The following SPAG6 variants were observed in gnomAD, a reference collection of about 807,000 sequenced individuals.
SPAG6 encodes sperm associated antigen 6.
A neutral mutation model predicts 58.5 loss-of-function variants in SPAG6; 49 were observed. That is an observed-to-expected ratio of 0.84 (90% confidence interval 0.67 to 1.06). The LOEUF is 1.06. SPAG6 is among the 50% of genes least tolerant of loss of function. The pLI is 0.00. For synonymous variants in SPAG6, 233 were observed against 225.6 expected, an observed-to-expected ratio of 1.03 and a Z score of -0.29; for missense variants, 560 against 611.3, an observed-to-expected ratio of 0.92 and a Z score of 0.89.
At chr10:22,349,112 G>A (rs1183658623) in intron 2 of SPAG6, among the ~76,000 whole-genome samples, 1 of 152,120 alleles carries the variant, frequency 6.6e-6, no homozygotes, top group African/African-American at 2.4e-5. Flanking sequence ...GCCTCCCAAA[G>A]TGCTGGGATT....
chr10:22,352,093 G>A (rs573983921), intron 2 of SPAG6, among the ~76,000 whole-genome samples: 32 of 152,064 alleles, frequency 2.1e-4, no homozygotes, highest in Admixed American at 4.6e-4. Context: ...TTTCGGAGGC[G>A]GAGCTTGCAG....
rs1308565586 is a variant in SPAG6 at position 22,391,783 on chromosome 10, G to T, written c.1060G>T (p.Ala354Ser). Residue 354 changes from alanine (A) to serine (S), a missense_variant, in exon 8 of 11, where the codon GCT becomes TCT. Transcript: ENST00000376624. ...LSEEPEDHIK[A>S]AAAWALGQIG... is the part of the protein sequence containing the mutation. Reference sequence around the variant, plus strand: ...AGAAGAACCGGAAGATCATATTAAGGCTGCAGCTGCTTGGGCCTTAGGACA... The same window carrying T: ...AGAAGAACCGGAAGATCATATTAAGTCTGCAGCTGCTTGGGCCTTAGGACA... 6.2e-7 allele frequency: 1 copy of T among 1,613,490 alleles called. No homozygotes were observed. Among genetic ancestry groups the T allele is most frequent in the South Asian group, 1.1e-5 (1 of 91,074 alleles).
Position 22,411,048 on chromosome 10 carries a change from C to T in SPAG6, c.1332C>T (p.Ser444=). 1.2e-6 allele frequency: 2 copies of T among 1,613,868 alleles called. No individual in the cohort carries two copies. The highest frequency in any genetic ancestry group is 2.2e-5 in the East Asian group (1 of 44,874). The change falls in exon 10 of 11, where the codon AGC becomes AGT. Residue 444 remains serine (S), a synonymous_variant. Coordinates refer to ENST00000376624, the MANE Select transcript of SPAG6 (RefSeq NM_012443.4). ...TTTGCAAGGTGCTGCCGCATGATAG[C>T]AAAGCTCGACGACTTTTTGTAACAA... ...GQFSKVLPHD[S]KARRLFVTSG...
In SPAG6 at chr10:22,391,820, A is replaced by C. The variant is rs774102312; in HGVS notation, c.1097A>C (p.His366Pro). Residue 366 changes from histidine to proline, a missense_variant, in exon 8 of 11, where the codon CAC becomes CCC. Coordinates refer to ENST00000376624, the MANE Select transcript of SPAG6 (RefSeq NM_012443.4). ...TGGGCCTTAGGACAGATTGGAAGAC[A>C]CACTCCTGAACACGCACGGGCTGTT... ...AAWALGQIGR[H>P]TPEHARAVAV... 2 of 1,613,578 alleles carry C rather than the reference A, an allele frequency of 1.2e-6. No individual in the cohort carries two copies. Among genetic ancestry groups the C allele is most frequent in the South Asian group, 1.1e-5 (1 of 91,058 alleles).
At chr10:22,366,935 C>T (rs2132051993) in intron 3 of SPAG6, among the ~76,000 whole-genome samples, 1 of 152,120 alleles carries the variant, frequency 6.6e-6, no homozygotes, top group East Asian at 1.9e-4. Context: ...CCCTCACCTC[C>T]CAGCCTTTAA....
intron 7 of SPAG6, among the ~76,000 whole-genome samples, chr10:22,390,130 C>A (rs1834153437): frequency 2.0e-5 from 3 of 152,096 alleles, no homozygotes; most frequent in Admixed American, 6.6e-5. Context: ...TATTTTCTAC[C>A]TATTTCTTGA....
chr10:22,391,674 A>C, intron 7 of SPAG6, 55 bp from the exon 8 acceptor site: 3 of 1,487,280 alleles, frequency 2.0e-6, no homozygotes, highest in Non-Finnish European at 2.8e-6. Context: ...GACATGGAAG[A>C]CTCTTTAATC....
At chr10:22,348,471 T>C (rs1478036367) in intron 2 of SPAG6, among the ~76,000 whole-genome samples, 3 of 152,252 alleles carry the variant, frequency 2.0e-5, no homozygotes, top group Non-Finnish European at 4.4e-5. Flanking sequence ...GACTTTGACA[T>C]ACTGTCTACA....
chr10:22,409,014 C>T lies in SPAG6; in HGVS notation c.1315-2017C>T, dbSNP rs574975209. ...TTCGGCTCGCGCACCCACTGACCTG[C>T]GCCCACTGTCTGGCACTCCCTAGTG... is the stretch of plus-strand genomic sequence containing the variant. On this transcript the variant is annotated intron_variant, in intron 9 of 10. Coordinates refer to ENST00000376624, the MANE Select transcript of SPAG6 (RefSeq NM_012443.4). Among the ~76,000 whole-genome samples the T allele has an allele frequency of 7.4e-3, 1,128 of 152,270 alleles. 10 individuals carry two copies. Among genetic ancestry groups the T allele is most frequent in the African/African-American group, 0.026 (1,063 of 41,540 alleles).
chr10:22,412,850 T>G (rs1036047109), intron 10 of SPAG6: 1 of 163,616 alleles, frequency 6.1e-6, no homozygotes, highest in African/African-American at 2.4e-5. Flanking sequence ...GGATTACAGG[T>G]GTGAGCCACC....
At chr10:22,355,632 G>C (rs1836844693) in intron 2 of SPAG6, among the ~76,000 whole-genome samples, 1 of 152,152 alleles carries the variant, frequency 6.6e-6, no homozygotes, top group South Asian at 2.1e-4. Flanking sequence ...TAAATTACAA[G>C]ACTTTTTGTG....
intron 2 of SPAG6, among the ~76,000 whole-genome samples, chr10:22,353,839 A>G (rs888844463): frequency 1.3e-5 from 2 of 152,220 alleles, no homozygotes; most frequent in Admixed American, 1.3e-4. Context: ...GAGGTATATA[A>G]TCACACAGAT....
chr10:22,414,248 C>T (rs1470365851), intron 10 of SPAG6, among the ~76,000 whole-genome samples: 1 of 152,282 alleles, frequency 6.6e-6, no homozygotes, highest in East Asian at 1.9e-4. Flanking sequence ...AACCCCAATT[C>T]TCTGTGGGTC....
At chr10:22,360,772 A>G in intron 2 of SPAG6, 1 of 1,526,512 alleles carries the variant, frequency 6.6e-7, no homozygotes, top group South Asian at 1.2e-5. Context: ...TGTTTATCAG[A>G]TATTGTGGCA....
At chr10:22,354,259 G>A (rs775692114) in intron 2 of SPAG6, among the ~76,000 whole-genome samples, 12 of 152,288 alleles carry the variant, frequency 7.9e-5, no homozygotes, top group South Asian at 2.1e-4. Flanking sequence ...TGTTAAAGGG[G>A]TAACATCTGC....
At chr10:22,412,669 T>TCAAGCTATTCTCCTG (rs1229539222) in intron 10 of SPAG6, 1 of 498,160 alleles carries the variant, frequency 2.0e-6, no homozygotes, top group African/African-American at 2.0e-5. Flanking sequence ...CCTCCCGGGT[T>TCAAGCTATTCTCCTG]CAAGCTATTC....
intron 9 of SPAG6, among the ~76,000 whole-genome samples, chr10:22,403,094 C>T (rs986913420): frequency 5.9e-5 from 9 of 151,964 alleles, no homozygotes; most frequent in African/African-American, 2.2e-4. Context: ...GTATCATATA[C>T]ACTTATAAAT....
chr10:22,379,827 G>A (rs983010895), intron 4 of SPAG6, among the ~76,000 whole-genome samples: 1 of 152,222 alleles, frequency 6.6e-6, no homozygotes, highest in Non-Finnish European at 1.5e-5. Flanking sequence ...ACAGGGTGTT[G>A]CTCTGTTGCC....
intron 8 of SPAG6, among the ~76,000 whole-genome samples, chr10:22,393,698 C>T (rs931771248): frequency 2.0e-5 from 3 of 152,134 alleles, no homozygotes; most frequent in Admixed American, 6.5e-5. Context: ...TTAAAGGCTT[C>T]GAGCCCATCC....
Sources: gnomAD v4.1 joint callset for allele counts (sites outside exome capture counted in the v4.1 genomes callset) on GRCh38, gnomAD v4.1.1 for gene constraint, MANE v1.5 for transcripts, NCBI Gene and HGNC (gene_info 2026-07-23, HGNC 2026-07-21) for gene names.